Variants in TBL1X observed in about 807,000 individuals in gnomAD.
TBL1X encodes the protein F-box-like/WD repeat-containing protein TBL1X.
A neutral mutation model predicts 50.7 loss-of-function variants in TBL1X; 10 were observed. The observed-to-expected ratio is 0.20, with a 90% CI of 0.12 to 0.33. The LOEUF is 0.33. Ranked by LOEUF, TBL1X falls within the 10% of genes least tolerant of loss-of-function variation. The pLI is 1.00. For synonymous variants in TBL1X, 190 were observed against 214.7 expected, an observed-to-expected ratio of 0.88 and a Z score of 1.01; for missense variants, 340 against 504.4, an observed-to-expected ratio of 0.67 and a Z score of 3.12.
chrX:9,564,493 G>C (rs773403862), intron 2 of TBL1X, among the ~76,000 whole-genome samples: 4 of 110,725 alleles, frequency 3.6e-5, no homozygotes, highest in African/African-American at 1.3e-4. Context: ...CAGCACTTTG[G>C]GGGGGCCCAG....
At position 9,692,149 on chromosome X, in the gene TBL1X, T is replaced by C. The variant is rs767968686; in HGVS notation, c.786T>C (p.Asn262=). ...CAACTGCAAGGATATGGAACCTGAATGAGAATAGCAACGGGGGCTCCACCC... is the reference window on the plus strand; with the variant it reads ...CAACTGCAAGGATATGGAACCTGAACGAGAATAGCAACGGGGGCTCCACCC... The part of the protein sequence containing the change: ...GDSTARIWNL[N]ENSNGGSTQL... The change falls in exon 9 of 18, where the codon AAT becomes AAC. Residue 262 remains asparagine (N), a synonymous_variant. Transcript: ENST00000645353. 8.3e-7 allele frequency: 1 copy of C among 1,211,553 alleles called. No homozygotes were observed. Among genetic ancestry groups the C allele is most frequent in the Non-Finnish European group, 1.1e-6 (1 of 895,450 alleles).
chrX:9,708,253 A>G (rs1046144131), intron 13 of TBL1X, among the ~76,000 whole-genome samples: 1 of 111,021 alleles, frequency 9.0e-6, no homozygotes, highest in Non-Finnish European at 1.9e-5. Flanking sequence ...ATTCACCTTT[A>G]TCCTCCAGGG....
intron 2 of TBL1X, among the ~76,000 whole-genome samples, chrX:9,561,021 G>C (rs1388330525): frequency 9.0e-6 from 1 of 111,483 alleles, no homozygotes; most frequent in Non-Finnish European, 1.9e-5. Context: ...CCTCTTGGAG[G>C]GGGCACAGTC....
At chrX:9,622,308 G>A (rs1439460044) in intron 2 of TBL1X, among the ~76,000 whole-genome samples, 8 of 109,573 alleles carry the variant, frequency 7.3e-5, no homozygotes, top group Non-Finnish European at 1.5e-4. Flanking sequence ...CCACACCCCC[G>A]GAAAACCACC....
At chrX:9,607,113 G>A (rs900684932) in intron 2 of TBL1X, among the ~76,000 whole-genome samples, 1 of 112,044 alleles carries the variant, frequency 8.9e-6, no homozygotes, top group African/African-American at 3.2e-5. Flanking sequence ...TCGTTCATTG[G>A]GCAGATGTTT....
At chrX:9,557,278 C>T (rs903510293) in intron 2 of TBL1X, among the ~76,000 whole-genome samples, 2 of 112,561 alleles carry the variant, frequency 1.8e-5, no homozygotes, top group Non-Finnish European at 3.7e-5. Context: ...GACTTGTTTT[C>T]TGAAACAGCG....
chrX:9,683,109 G>A (rs1320949890), intron 5 of TBL1X, among the ~76,000 whole-genome samples: 1 of 112,165 alleles, frequency 8.9e-6, no homozygotes, highest in Non-Finnish European at 1.9e-5. Context: ...ACTCCCTGCA[G>A]CAGCCTAGGC....
At chrX:9,654,880 G>A (rs754511496) in intron 5 of TBL1X, among the ~76,000 whole-genome samples, 11 of 111,369 alleles carry the variant, frequency 9.9e-5, no homozygotes, top group Non-Finnish European at 1.7e-4. Context: ...GCCCTCCTCC[G>A]CCAGCAGGGA....
chrX:9,623,097 G>C (rs2082675797), intron 2 of TBL1X, among the ~76,000 whole-genome samples: 1 of 111,251 alleles, frequency 9.0e-6, no homozygotes, highest in South Asian at 3.8e-4. Context: ...TGTGATAAAG[G>C]TAGGGTCCAA....
Position 9,509,084 on chromosome X carries a change from T to G in TBL1X, c.-131+7235T>G, listed in dbSNP as rs1338944169. ...GCGCATGTATCCTGTTTTTTTTGTT[T>G]TTTTTTTGTTTTTTTAGAAAAAGCC... On this transcript the variant is annotated intron_variant, in intron 2 of 17. Transcript: ENST00000645353. Among the ~76,000 whole-genome samples the G allele has an allele frequency of 2.8e-5, 3 of 108,972 alleles. No individual in the cohort carries two copies. In the East Asian group the frequency reaches 8.6e-4, roughly 31 times the overall value. The allele number at this position is 108,972 out of a possible 115,157, so 94.6% of individuals were successfully genotyped here. A position where few individuals can be genotyped will look rare whatever the true frequency, so the allele number is the denominator to read the frequency against.
intron 2 of TBL1X, among the ~76,000 whole-genome samples, chrX:9,537,411 T>A (rs1325430914): frequency 9.0e-6 from 1 of 110,951 alleles, no homozygotes; most frequent in African/African-American, 3.3e-5. Context: ...TGTGCAATCC[T>A]CACCACGATC....
chrX:9,643,567 T>G (rs937722733), intron 3 of TBL1X, among the ~76,000 whole-genome samples: 1 of 111,651 alleles, frequency 9.0e-6, no homozygotes, highest in African/African-American at 3.3e-5. Context: ...AAAATTGATA[T>G]AGGCCAGGCA....
intron 2 of TBL1X, among the ~76,000 whole-genome samples, chrX:9,604,691 C>T (rs780692503): frequency 8.1e-5 from 9 of 110,926 alleles, no homozygotes; most frequent in East Asian, 5.8e-4. Context: ...GCCGCTGTTC[C>T]GCTTGGGATG....
intron 2 of TBL1X, among the ~76,000 whole-genome samples, chrX:9,565,271 C>CAAAAAAAAAAA (rs757679440): frequency 3.7e-4 from 14 of 37,388 alleles, no homozygotes; most frequent in African/African-American, 7.8e-4. Context: ...GACTCCGTCT[C>CAAAAAAAAAAA]AAAAAAAAAA....
intron 2 of TBL1X, among the ~76,000 whole-genome samples, chrX:9,634,331 C>T (rs1195466390): frequency 1.8e-5 from 2 of 110,755 alleles, no homozygotes; most frequent in African/African-American, 6.6e-5. Context: ...ATAGTAACAG[C>T]GCTCCCTCAC....
intron 2 of TBL1X, among the ~76,000 whole-genome samples, chrX:9,522,937 C>T (rs900470607): frequency 8.9e-6 from 1 of 111,957 alleles, no homozygotes; most frequent in Non-Finnish European, 1.9e-5. Context: ...AACATGTTGA[C>T]AACATGGGTT....
chrX:9,487,891 T>C (rs1220462620), intron 1 of TBL1X, among the ~76,000 whole-genome samples: 1 of 111,326 alleles, frequency 9.0e-6, no homozygotes, highest in African/African-American at 3.3e-5. Context: ...GTTGTGGGAT[T>C]CCAAGCAGCA....
chrX:9,538,194 G>A (rs1413583906), intron 2 of TBL1X, among the ~76,000 whole-genome samples: 1 of 111,527 alleles, frequency 9.0e-6, no homozygotes, highest in Non-Finnish European at 1.9e-5. Context: ...TTATGGGACT[G>A]GAGATTAGGT....
chrX:9,568,658 C>T (rs2082365352), intron 2 of TBL1X, among the ~76,000 whole-genome samples: 1 of 91,872 alleles, frequency 1.1e-5, no homozygotes, highest in African/African-American at 4.3e-5. Context: ...ATGTGTATGT[C>T]GTGTCTGTGC....
Sources: allele counts gnomAD v4.1 joint callset (sites outside exome capture counted in the v4.1 genomes callset), GRCh38; gene constraint gnomAD v4.1.1; transcripts MANE v1.5; gene names NCBI Gene and HGNC (gene_info 2026-07-23, HGNC 2026-07-21).